The following TRRAP variants were observed in gnomAD, a reference collection of about 807,000 sequenced individuals.
TRRAP encodes the protein transformation/transcription domain associated protein.
A neutral mutation model predicts 438.8 loss-of-function variants in TRRAP; 41 were observed. The ratio of observed to expected loss-of-function variants is 0.09; its 90% CI spans 0.07 to 0.12. The LOEUF (loss-of-function observed/expected upper bound fraction) is 0.12. Ranked by LOEUF, TRRAP falls within the 10% of genes least tolerant of loss-of-function variation. The pLI, the probability that TRRAP is intolerant of heterozygous loss-of-function variation, is 1.00. For missense variants in TRRAP, 3,122 were observed against 5,055.1 expected (o/e 0.62, Z 11.60); for synonymous variants, 1,994 against 1,962.9 (o/e 1.02, Z -0.42).
rs781854881 is a variant in TRRAP at position 98,881,225 on chromosome 7, G to C, written c.75G>C (p.Val25=). ...TGATGAAAAAGTACCTTCAGTTTGTGGCAGCTCTCACAGATGTGAATACAC... is the reference window on the plus strand; with the variant it reads ...TGATGAAAAAGTACCTTCAGTTTGTCGCAGCTCTCACAGATGTGAATACAC... ...TTLMKKYLQF[V]AALTDVNTPD... Residue 25 remains valine (V), a synonymous_variant, in exon 2 of 73, where the codon GTG becomes GTC. Transcript: ENST00000456197. 1 of 1,609,298 alleles carries C rather than the reference G, an allele frequency of 6.2e-7. No homozygotes were observed. Among genetic ancestry groups the C allele is most frequent in the Non-Finnish European group, 8.5e-7 (1 of 1,177,500 alleles).
In TRRAP at chr7:98,948,267, C is replaced by T. The variant is rs1554417349; in HGVS notation, c.4595C>T (p.Pro1532Leu). Residue 1532 changes from proline (P) to leucine (L), a missense_variant, in exon 34 of 73, where the codon CCG (proline) becomes CTG (leucine). By Grantham distance (98) the Pro-to-Leu change is moderately conservative (BLOSUM62 -3). Transcript: ENST00000456197. The surrounding 1 kb of genome is among the most constrained non-coding windows in gnomAD (Gnocchi z 4.9). ...ATTATAAACCTTTTTCATCTGATCC[C>T]GGCTGCTCCTCAGACACTGGTGAAG... ...SAIINLFHLI[P>L]AAPQTLVKPL... The T allele has an allele frequency of 1.9e-6, 3 of 1,614,192 alleles. No homozygotes were observed. The highest frequency in any genetic ancestry group is 2.5e-6 in the Non-Finnish European group (3 of 1,180,040).
At position 98,925,177 on chromosome 7, in the gene TRRAP, G is replaced by A. The variant is rs782671552; in HGVS notation, c.2889G>A (p.Ala963=). The change falls in exon 22 of 73, where the codon GCG becomes GCA. Residue 963 remains alanine (A), a synonymous_variant. Transcript: ENST00000456197. Reference sequence around the variant, plus strand: ...CTGAGCCCTACTACCGGAGGCAGGCGTGGGAAGTGATCAAATGCTTCCTGG... The same window carrying A: ...CTGAGCCCTACTACCGGAGGCAGGCATGGGAAGTGATCAAATGCTTCCTGG... ...ANTEPYYRRQ[A]WEVIKCFLVA... 1.4e-5 allele frequency: 23 copies of A among 1,614,090 alleles called. No individual in the cohort carries two copies. Among genetic ancestry groups the A allele is most frequent in the Admixed American group, 1.0e-4 (6 of 60,006 alleles).
At chr7:98,984,004 TG>T in intron 60 of TRRAP, 88 bp from the exon 61 acceptor site, 1 of 1,443,510 alleles carries the variant, frequency 6.9e-7, no homozygotes, top group Non-Finnish European at 9.2e-7. Flanking sequence ...GCCATGTGTG[TG>T]TGTGTTTCAT....
intron 48 of TRRAP, among the ~76,000 whole-genome samples, chr7:98,965,289 G>A (rs1160614047): frequency 6.6e-6 from 1 of 152,256 alleles, no homozygotes; most frequent in East Asian, 1.9e-4. Flanking sequence ...CAGAGTTGCT[G>A]GTTCTGAAGA....
intron 3 of TRRAP, among the ~76,000 whole-genome samples, chr7:98,888,115 A>G (rs1554404238): frequency 6.6e-6 from 1 of 152,130 alleles, no homozygotes; most frequent in Non-Finnish European, 1.5e-5. Flanking sequence ...CTGTAGTCCC[A>G]GCTACTTGGG....
intron 43 of TRRAP, among the ~76,000 whole-genome samples, chr7:98,957,175 C>T (rs575495052): frequency 1.6e-4 from 24 of 152,324 alleles, no homozygotes; most frequent in African/African-American, 5.8e-4. Flanking sequence ...CACTCTGCCG[C>T]AAATAACTCA....
Position 99,011,926 on chromosome 7 carries a change from C to A in TRRAP, c.11338-145C>A. Reference sequence around the variant, plus strand: ...CGGCTTCCCCAGCCCGTCCTGAGGGCACACAGCCTGGCCTGGTGCTGAAAC... The same window carrying A: ...CGGCTTCCCCAGCCCGTCCTGAGGGAACACAGCCTGGCCTGGTGCTGAAAC... On this transcript the variant is annotated intron_variant, in intron 72 of 72. Coordinates refer to ENST00000456197, the MANE Select transcript of TRRAP (RefSeq NM_001375524.1). This position sits in a 1 kb window ranked among gnomAD's most constrained non-coding sequence, Gnocchi z 7.1. 1 of 1,083,344 alleles carries A rather than the reference C, an allele frequency of 9.2e-7. No individual in the cohort carries two copies. The highest frequency in any genetic ancestry group is 1.3e-6 in the Non-Finnish European group (1 of 766,368). The allele number at this position is 1,083,344 out of a possible 1,614,324, so 67.1% of individuals were successfully genotyped here.
intron 52 of TRRAP, among the ~76,000 whole-genome samples, chr7:98,971,332 C>G (rs1463600734): frequency 6.6e-6 from 1 of 152,160 alleles, no homozygotes; most frequent in African/African-American, 2.4e-5. Context: ...ACTGACTTCT[C>G]CAAACCTTCA....
intron 3 of TRRAP, among the ~76,000 whole-genome samples, chr7:98,888,886 G>C (rs1795837483): frequency 6.6e-6 from 1 of 151,992 alleles, no homozygotes; most frequent in African/African-American, 2.4e-5. Flanking sequence ...CCCCATCTCT[G>C]AGGGCATGAA....
At chr7:98,942,781 A>G (rs906114768) in intron 30 of TRRAP, among the ~76,000 whole-genome samples, 168 bp from the exon 31 acceptor site, 5 of 152,184 alleles carry the variant, frequency 3.3e-5, no homozygotes, top group South Asian at 2.1e-4. Flanking sequence ...TGAAACATGA[A>G]CAAATGCCAG....
rs782115654 is a variant in TRRAP, at chr7:98,929,130, C to T, written c.3176-859C>T. Reference sequence around the variant, plus strand: ...ATTTTTTTGGTATTTTTAGTAGAGACGGGGTTTCACCACATTGGTCAGGCT... The same window carrying T: ...ATTTTTTTGGTATTTTTAGTAGAGATGGGGTTTCACCACATTGGTCAGGCT... On this transcript the variant is annotated intron_variant, in intron 23 of 72. Transcript: ENST00000456197. Among the ~76,000 whole-genome samples, 9 of 152,080 alleles carry T rather than the reference C, an allele frequency of 5.9e-5. 1 individual carries two copies. Among genetic ancestry groups the T allele is most frequent in the African/African-American group, 1.4e-4 (6 of 41,498 alleles).
intron 14 of TRRAP, among the ~76,000 whole-genome samples, chr7:98,909,244 G>A (rs902355777): frequency 3.3e-5 from 5 of 151,880 alleles, no homozygotes; most frequent in South Asian, 2.1e-4. Flanking sequence ...GGCTGGTCTC[G>A]AACTCCTGGC....
chr7:98,990,475 T>C lies in TRRAP; in HGVS notation c.9612T>C (p.Phe3204=), dbSNP rs1793385026. The part of the protein sequence containing the change: ...YLAKVLWLLS[F]DDDKNTLADA... ...CTCAGGTGCTGTGGCTTTTGAGTTT[T>C]GATGATGACAAAAACACTTTGGCAG... The change falls in exon 64 of 73, where the codon TTT becomes TTC. Residue 3204 remains phenylalanine (F), a synonymous_variant. Coordinates refer to ENST00000456197, the MANE Select transcript of TRRAP (RefSeq NM_001375524.1). 6.2e-7 allele frequency: 1 copy of C among 1,612,964 alleles called. No homozygotes were observed. The highest frequency in any genetic ancestry group is 1.3e-5 in the African/African-American group (1 of 74,944).
chr7:98,915,447 C>T (rs1029777459), intron 18 of TRRAP, among the ~76,000 whole-genome samples: 4 of 152,186 alleles, frequency 2.6e-5, no homozygotes, highest in Admixed American at 6.5e-5. Context: ...CTGCCTTGGC[C>T]TCCCAAAGTG....
chr7:98,992,382 G>A (rs1466981446), intron 65 of TRRAP, among the ~76,000 whole-genome samples, 155 bp downstream of exon 65: 1 of 152,236 alleles, frequency 6.6e-6, no homozygotes, highest in Non-Finnish European at 1.5e-5. Context: ...AGGGCAGGAA[G>A]CAAAGTCTGA....
At chr7:98,899,591 C>A (rs1423955990) in intron 9 of TRRAP, 88 bp from the exon 10 acceptor site, 45 of 1,598,754 alleles carry the variant, frequency 2.8e-5, no homozygotes, top group Non-Finnish European at 3.5e-5. Flanking sequence ...TACACACATG[C>A]TAAATAATGT....
chr7:98,948,486 C>A lies in TRRAP; in HGVS notation c.4669-80C>A. 3 of 1,612,758 alleles carry A rather than the reference C, an allele frequency of 1.9e-6. No individual in the cohort carries two copies. Among genetic ancestry groups the A allele is most frequent in the Non-Finnish European group, 2.5e-6 (3 of 1,179,678 alleles). On this transcript the variant is annotated intron_variant, in intron 34 of 72. Coordinates refer to ENST00000456197, the MANE Select transcript of TRRAP (RefSeq NM_001375524.1). This position sits in a 1 kb window ranked among gnomAD's most constrained non-coding sequence, Gnocchi z 4.9. ...TGTGGGTGTTCATGCACTCCAGTAA[C>A]AAGGGACCTTGTTAGGTAGACAGCC...
At chr7:98,924,931 G>C (rs1554411276) in intron 21 of TRRAP, among the ~76,000 whole-genome samples, 181 bp from the exon 22 acceptor site, 1 of 151,618 alleles carries the variant, frequency 6.6e-6, no homozygotes, top group Non-Finnish European at 1.5e-5. Context: ...GTGAACCCGG[G>C]AGGCAGAGCT....
Position 98,984,922 on chromosome 7 carries a change from T to C in TRRAP, c.9289-22T>C, listed in dbSNP as rs1562971612. The C allele has an allele frequency of 3.2e-6, 5 of 1,540,502 alleles. No homozygotes were observed. The South Asian group carries it at 5.7e-5, about 18-fold the overall frequency. On this transcript the variant is annotated intron_variant, in intron 61 of 72. Coordinates refer to ENST00000456197, the MANE Select transcript of TRRAP (RefSeq NM_001375524.1). ...GTTTAGAAATTTCAAGAACTTTTTT[T>C]CTGCTCATTTTTTTTGAACAGGGCC...
Sources: allele counts gnomAD v4.1 joint callset (sites outside exome capture counted in the v4.1 genomes callset), GRCh38; gene constraint gnomAD v4.1.1; non-coding constraint Gnocchi (gnomAD v3.1); transcripts MANE v1.5; gene names NCBI Gene and HGNC (gene_info 2026-07-23, HGNC 2026-07-21).